Variants in PPP2R2B observed in about 807,000 individuals in gnomAD.
The protein encoded by PPP2R2B is protein phosphatase 2 regulatory subunit Bbeta.
A neutral mutation model predicts 46.0 loss-of-function variants in PPP2R2B; 5 were observed. The ratio of observed to expected loss-of-function variants is 0.11; its 90% confidence interval spans 0.06 to 0.23. The LOEUF (loss-of-function observed/expected upper bound fraction) is 0.23. Among genes scored for constraint, PPP2R2B ranks in the 10% least tolerant of loss-of-function variants. The probability of loss-of-function intolerance (pLI) is 1.00; values close to 1 mark genes in which losing one functional copy is unlikely to be tolerated. For synonymous variants in PPP2R2B, 215 were observed against 206.7 expected (o/e 1.04, Z -0.34); for missense variants, 367 against 575.0 (o/e 0.64, Z 3.70).
chr5:146,616,559 G>T (rs950034611), intron 7 of PPP2R2B, among the ~76,000 whole-genome samples: 1 of 152,106 alleles, frequency 6.6e-6, no homozygotes, highest in African/African-American at 2.4e-5. Context: ...TTAAAAAAAT[G>T]AGCAAGTGAT....
At chr5:146,734,564 G>A (rs6877178) in intron 2 of PPP2R2B, among the ~76,000 whole-genome samples, 13,279 of 152,104 alleles carry the variant, frequency 0.087, 1,352 homozygotes, top group African/African-American at 0.25. Context: ...GTTCTGAACT[G>A]CTACATTACA....
At chr5:146,697,025 C>A (rs1779216103) in intron 4 of PPP2R2B, among the ~76,000 whole-genome samples, 1 of 152,170 alleles carries the variant, frequency 6.6e-6, no homozygotes, top group Non-Finnish European at 1.5e-5. Flanking sequence ...TGTTTGATCA[C>A]ATTATTGACA....
intron 1 of PPP2R2B, among the ~76,000 whole-genome samples, chr5:147,004,826 AC>A (rs1410547708): frequency 6.6e-6 from 1 of 152,094 alleles, no homozygotes; most frequent in Admixed American, 6.6e-5. Context: ...TGTGGTCCTT[AC>A]TCAGACTCGT....
At chr5:147,037,293 G>A (rs1304774050) in intron 1 of PPP2R2B, among the ~76,000 whole-genome samples, 1 of 152,070 alleles carries the variant, frequency 6.6e-6, no homozygotes, top group Admixed American at 6.6e-5. Context: ...AAGACAGAGT[G>A]ACTTCTGGCA....
intron 1 of PPP2R2B, among the ~76,000 whole-genome samples, chr5:146,940,909 T>C (rs748522866): frequency 6.6e-6 from 1 of 152,188 alleles, no homozygotes; most frequent in Non-Finnish European, 1.5e-5. Context: ...CCATAAGCCG[T>C]AGCCTTCTCC....
upstream of PPP2R2B, among the ~76,000 whole-genome samples, chr5:147,058,955 A>T (rs1486713756): frequency 1.3e-5 from 2 of 152,194 alleles, no homozygotes; most frequent in Non-Finnish European, 2.9e-5. Flanking sequence ...TTCCCTGGGG[A>T]TAAGAAGTGA....
rs566921986 is a variant in PPP2R2B at position 146,707,173 on chromosome 5, A to T, written c.71-6031T>A. On this transcript the variant is annotated intron_variant, in intron 2 of 9. Transcript: ENST00000394411. ...GCCCAGAGTCTCCAGCTGCCGCCTA[A>T]GGCTGTTGATGTAGCTCTCGAATAT... The T allele has an allele frequency of 5.0e-5, 80 of 1,591,842 alleles. No individual in the cohort carries two copies. The East Asian group carries it at 1.8e-3, about 35-fold the overall frequency.
intron 2 of PPP2R2B, among the ~76,000 whole-genome samples, chr5:146,753,344 T>TCC (rs1753662878): frequency 6.6e-6 from 1 of 152,062 alleles, no homozygotes; most frequent in Non-Finnish European, 1.5e-5. Context: ...GTGAATACTC[T>TCC]CCCACACACA....
intron 7 of PPP2R2B, among the ~76,000 whole-genome samples, chr5:146,629,327 C>T (rs184211557): frequency 1.3e-5 from 2 of 152,306 alleles, no homozygotes; most frequent in East Asian, 1.9e-4. Context: ...AAGCACCAAA[C>T]CTACGAGTTA....
At chr5:147,058,087 C>G (rs1757145457), upstream of PPP2R2B, among the ~76,000 whole-genome samples, 1 of 152,176 alleles carries the variant, frequency 6.6e-6, no homozygotes, top group Non-Finnish European at 1.5e-5. Context: ...AGATCAACGT[C>G]TAATTCATCT....
intron 8 of PPP2R2B, among the ~76,000 whole-genome samples, chr5:146,598,459 C>T (rs190838171): frequency 6.6e-6 from 1 of 152,048 alleles, no homozygotes; most frequent in Admixed American, 6.6e-5. Context: ...CTTTAAATAC[C>T]CTCTACATAC....
intron 2 of PPP2R2B, among the ~76,000 whole-genome samples, chr5:147,070,976 G>A (rs563486025): frequency 1.3e-5 from 2 of 152,042 alleles, no homozygotes; most frequent in African/African-American, 4.8e-5. Flanking sequence ...GCGACAGAGC[G>A]AGACTCCGTC....
intron 2 of PPP2R2B, among the ~76,000 whole-genome samples, chr5:146,818,035 C>A (rs1452079506): frequency 6.6e-6 from 1 of 152,150 alleles, no homozygotes; most frequent in African/African-American, 2.4e-5. Flanking sequence ...CAAACCTTAA[C>A]TTTAAGATCA....
chr5:147,021,789 A>G (rs1298095615), intron 1 of PPP2R2B, among the ~76,000 whole-genome samples: 5 of 152,236 alleles, frequency 3.3e-5, no homozygotes, highest in Non-Finnish European at 2.9e-5. Context: ...AATATTCAGC[A>G]TCATATAAAA....
intron 5 of PPP2R2B, among the ~76,000 whole-genome samples, chr5:146,657,517 A>C (rs1776412280): frequency 1.3e-5 from 2 of 152,172 alleles, no homozygotes; most frequent in Non-Finnish European, 2.9e-5. Flanking sequence ...AGCATAATCA[A>C]TTATGTTATG....
At chr5:146,795,475 T>TA (rs1228971968) in intron 2 of PPP2R2B, among the ~76,000 whole-genome samples, 4 of 152,028 alleles carry the variant, frequency 2.6e-5, no homozygotes, top group Admixed American at 2.0e-4. Flanking sequence ...ATGGGAAATC[T>TA]AAAAAAGTTG....
Position 146,878,431 on chromosome 5 carries a change from G to T in PPP2R2B, c.-125+160C>A. The T allele has an allele frequency of 2.1e-6, 3 of 1,407,782 alleles. No individual in the cohort carries two copies. In the South Asian group the frequency reaches 4.6e-5, roughly 22 times the overall value. The allele number at this position is 1,407,782 out of a possible 1,614,324, so 87.2% of individuals were successfully genotyped here. On this transcript the variant is annotated intron_variant, in intron 1 of 9. Transcript: ENST00000394411. The surrounding 1 kb of genome is among the most constrained non-coding windows in gnomAD (Gnocchi z 4.5). The stretch of plus-strand genomic sequence containing the variant: ...CCCGCCCCGGAGGCGCTCACAAGCG[G>T]GTCTGGGGAGATGCCCAACAGGTTC...
intron 6 of PPP2R2B, among the ~76,000 whole-genome samples, chr5:146,639,648 C>T (rs754249656): frequency 2.6e-5 from 4 of 152,214 alleles, no homozygotes; most frequent in Non-Finnish European, 4.4e-5. Context: ...AGGACTCCCA[C>T]TTTTCCTAGA....
chr5:147,001,917 G>A (rs926442406), intron 1 of PPP2R2B, among the ~76,000 whole-genome samples: 3 of 152,162 alleles, frequency 2.0e-5, no homozygotes, highest in Non-Finnish European at 4.4e-5. Flanking sequence ...AGGGTCAACA[G>A]AGAGGAAAGC....
Sources: allele counts gnomAD v4.1 joint callset (sites outside exome capture counted in the v4.1 genomes callset), GRCh38; gene constraint gnomAD v4.1.1; non-coding constraint Gnocchi (gnomAD v3.1); transcripts MANE v1.5; gene names NCBI Gene and HGNC (gene_info 2026-07-23, HGNC 2026-07-21).